The following SUGCT variants were observed in gnomAD, a reference collection of about 807,000 sequenced individuals.
SUGCT encodes the protein succinyl-CoA:glutarate-CoA transferase, also known as succinyl-CoA:glutarate CoA-transferase.
In SUGCT, 41 loss-of-function variants were observed where a neutral mutation model predicts 55.0. That is an observed-to-expected ratio of 0.74 (90% confidence interval 0.58 to 0.97). SUGCT has a LOEUF of 0.97. Among genes scored for constraint, SUGCT ranks in the 50% least tolerant of loss-of-function variants. The probability of loss-of-function intolerance (pLI) is 0.00; values close to 1 mark genes in which losing one functional copy is unlikely to be tolerated. For synonymous variants in SUGCT, 187 were observed against 200.4 expected, an observed-to-expected ratio of 0.93 and a Z score of 0.56; for missense variants, 568 against 547.8, an observed-to-expected ratio of 1.04 and a Z score of -0.37.
chr7:40,232,098 CTCAA>C (rs1192211942), intron 6 of SUGCT, among the ~76,000 whole-genome samples: 3 of 152,270 alleles, frequency 2.0e-5, no homozygotes, highest in Non-Finnish European at 2.9e-5. Flanking sequence ...AAGATCCTGT[CTCAA>C]TCAATCAATC....
At chr7:40,476,169 C>G (rs1166765630) in intron 11 of SUGCT, among the ~76,000 whole-genome samples, 1 of 152,094 alleles carries the variant, frequency 6.6e-6, no homozygotes, top group Non-Finnish European at 1.5e-5. Context: ...ATGTCTATGT[C>G]TATGTATATG....
rs192508214 is a variant in SUGCT, at chr7:40,334,969, A to G, written c.816+18114A>G. Among the ~76,000 whole-genome samples, 118 of 152,320 alleles carry G rather than the reference A, an allele frequency of 7.7e-4. 2 individuals are homozygous for G. Among genetic ancestry groups the G allele is most frequent in the African/African-American group, 2.7e-3 (114 of 41,578 alleles). On this transcript the variant is annotated intron_variant, in intron 9 of 13. Transcript: ENST00000335693. ...GGGATCCAGTTTCAGCTTTCTGCAT[A>G]TGGCTAGCCGGTTTTCCCAGCACCA...
the SUGCT span, among the ~76,000 whole-genome samples, chr7:40,892,914 C>G: frequency 6.6e-6 from 1 of 151,994 alleles, no homozygotes; most frequent in Non-Finnish European, 1.5e-5. Flanking sequence ...TATATGCTGT[C>G]TACAAGAAAC....
intron 13 of SUGCT, among the ~76,000 whole-genome samples, chr7:40,850,939 A>G (rs981488300): frequency 3.3e-5 from 5 of 152,246 alleles, no homozygotes; most frequent in East Asian, 1.9e-4. Flanking sequence ...AAAGGATAAC[A>G]TACATTGAGT....
intron 12 of SUGCT, among the ~76,000 whole-genome samples, chr7:40,725,251 AT>A (rs1786553356): frequency 6.6e-6 from 1 of 152,192 alleles, no homozygotes; most frequent in African/African-American, 2.4e-5. Flanking sequence ...TCTCTAGAGG[AT>A]TTTTATACAT....
chr7:40,949,822 T>G, the SUGCT span, among the ~76,000 whole-genome samples: 2 of 152,216 alleles, frequency 1.3e-5, no homozygotes, highest in Admixed American at 6.5e-5. Context: ...ATATCTCTGT[T>G]TTGGTACCAG....
At chr7:40,436,989 T>G (rs1249449130) in intron 9 of SUGCT, among the ~76,000 whole-genome samples, 2 of 152,220 alleles carry the variant, frequency 1.3e-5, no homozygotes, top group African/African-American at 4.8e-5. Flanking sequence ...TTCTTTATAA[T>G]ACAGTTAGTT....
intron 9 of SUGCT, among the ~76,000 whole-genome samples, chr7:40,346,570 T>C (rs1797321317): frequency 6.6e-6 from 1 of 152,128 alleles, no homozygotes; most frequent in South Asian, 2.1e-4. Flanking sequence ...AAAATGACAA[T>C]AACATAACAT....
intron 13 of SUGCT, among the ~76,000 whole-genome samples, chr7:40,769,823 CT>C (rs1254822350): frequency 6.6e-6 from 1 of 152,166 alleles, no homozygotes; most frequent in African/African-American, 2.4e-5. Flanking sequence ...TAAACTCTAT[CT>C]TAAATTTTAT....
intron 12 of SUGCT, among the ~76,000 whole-genome samples, chr7:40,589,641 A>T (rs1797604220): frequency 6.6e-6 from 1 of 152,198 alleles, no homozygotes; most frequent in South Asian, 2.1e-4. Context: ...ATTTTGGGGA[A>T]CACATTCAGG....
At chr7:40,316,955 GTTTTTTTT>G (rs56989808) in intron 9 of SUGCT, 100 bp downstream of exon 9, 3 of 189,430 alleles carry the variant, frequency 1.6e-5, no homozygotes, top group African/African-American at 3.2e-5. Context: ...TCCTTCAGCT[GTTTTTTTT>G]TTTTTTTTTT....
the SUGCT span, among the ~76,000 whole-genome samples, chr7:40,996,982 G>C: frequency 6.6e-6 from 1 of 152,206 alleles, no homozygotes; most frequent in African/African-American, 2.4e-5. Flanking sequence ...GAAGGAGACA[G>C]GCATGATCTT....
chr7:41,011,096 C>T, the SUGCT span, among the ~76,000 whole-genome samples: 49 of 152,186 alleles, frequency 3.2e-4, no homozygotes, highest in Admixed American at 2.2e-3. Context: ...TTCTCATGCT[C>T]GATTCCAAGC....
the SUGCT span, among the ~76,000 whole-genome samples, chr7:40,911,456 T>A: frequency 6.6e-6 from 1 of 151,666 alleles, no homozygotes; most frequent in Non-Finnish European, 1.5e-5. Flanking sequence ...TAGTCCCAGT[T>A]ACTGGGGAGG....
At chr7:41,017,566 C>T in the SUGCT span, among the ~76,000 whole-genome samples, 16 of 152,008 alleles carry the variant, frequency 1.1e-4, no homozygotes, top group East Asian at 2.9e-3. Flanking sequence ...GTCAGGAGAT[C>T]GAGACCATCC....
intron 1 of SUGCT, chr7:40,153,838 G>T: frequency 2.6e-6 from 1 of 379,208 alleles, no homozygotes; most frequent in South Asian, 2.4e-5. Context: ...ATTAAGAACT[G>T]GCTCTGTGGA....
intron 13 of SUGCT, among the ~76,000 whole-genome samples, chr7:40,763,580 C>T (rs931404959): frequency 6.6e-6 from 1 of 152,132 alleles, no homozygotes; most frequent in African/African-American, 2.4e-5. Context: ...GTTACTCAGG[C>T]TTGACACAGA....
the SUGCT span, among the ~76,000 whole-genome samples, chr7:40,953,479 G>C: frequency 6.6e-6 from 1 of 152,234 alleles, no homozygotes; most frequent in Admixed American, 6.5e-5. Flanking sequence ...GTCCAGCTTT[G>C]TTCCATTGCT....
At chr7:40,274,689 A>G in intron 8 of SUGCT, 33 bp downstream of exon 8, 2 of 1,605,610 alleles carry the variant, frequency 1.2e-6, no homozygotes, top group Non-Finnish European at 1.7e-6. Flanking sequence ...AGATAATGTT[A>G]TAAAAACTGT....
Sources: gnomAD v4.1 joint callset for allele counts (sites outside exome capture counted in the v4.1 genomes callset) on GRCh38, gnomAD v4.1.1 for gene constraint, MANE v1.5 for transcripts, NCBI Gene and HGNC (gene_info 2026-07-23, HGNC 2026-07-21) for gene names.